Variants in JMY observed in about 807,000 individuals in gnomAD.
JMY encodes junction-mediating and -regulatory protein.
JMY carries 46 observed loss-of-function variants against 103.3 expected under a neutral mutation model. The observed-to-expected ratio is 0.45, with a 90% CI of 0.35 to 0.57. The LOEUF is 0.57. JMY is among the 20% of genes least tolerant of loss of function. The pLI is 0.00. For missense variants in JMY, 1,238 were observed against 1,255.2 expected (o/e 0.99, Z 0.21); for synonymous variants, 526 against 489.3 (o/e 1.07, Z -0.99).
intron 4 of JMY, among the ~76,000 whole-genome samples, chr5:79,292,949 G>A (rs1243875231): frequency 6.6e-6 from 1 of 152,064 alleles, no homozygotes; most frequent in Admixed American, 6.6e-5. Context: ...TAGGTATTGT[G>A]CTTTGTATCT....
chr5:79,308,078 T>C (rs752657354), intron 7 of JMY, among the ~76,000 whole-genome samples: 6 of 152,172 alleles, frequency 3.9e-5, no homozygotes, highest in Non-Finnish European at 8.8e-5. Context: ...TTTCTTATTG[T>C]TGAGTTTTAG....
At chr5:79,305,830 A>C (rs1197537567) in intron 6 of JMY, among the ~76,000 whole-genome samples, 1 of 152,190 alleles carries the variant, frequency 6.6e-6, no homozygotes, top group Non-Finnish European at 1.5e-5. Flanking sequence ...AACTTGTCAG[A>C]GGGAGCTTAA....
intron 1 of JMY, among the ~76,000 whole-genome samples, chr5:79,255,840 C>T (rs767712300): frequency 7.9e-5 from 12 of 152,244 alleles, no homozygotes; most frequent in Non-Finnish European, 1.8e-4. Flanking sequence ...GACACAAGCA[C>T]TCCTGTGGCC....
At chr5:79,278,811 T>C (rs1183654977) in intron 2 of JMY, among the ~76,000 whole-genome samples, 11 of 149,556 alleles carry the variant, frequency 7.4e-5, no homozygotes, top group South Asian at 2.1e-4. Flanking sequence ...TTTTTTTTTT[T>C]CGAGATGGGA....
chr5:79,250,493 C>A (rs746177745), intron 1 of JMY, among the ~76,000 whole-genome samples: 2 of 152,106 alleles, frequency 1.3e-5, no homozygotes, highest in Admixed American at 1.3e-4. Flanking sequence ...ACCCTGATCA[C>A]AATTGATTTG....
chr5:79,258,316 T>TG (rs199596419), intron 1 of JMY, among the ~76,000 whole-genome samples: 1,502 of 142,564 alleles, frequency 0.011, 39 homozygotes, highest in African/African-American at 0.038. Flanking sequence ...TTTTTGTTGT[T>TG]TTTTTTTTTT....
intron 4 of JMY, among the ~76,000 whole-genome samples, chr5:79,292,431 C>A (rs191468801): frequency 3.9e-5 from 6 of 152,100 alleles, no homozygotes; most frequent in Admixed American, 3.9e-4. Flanking sequence ...AGTCCTACCT[C>A]AGGCTCCTGA....
chr5:79,300,565 G>GATA, intron 5 of JMY, 111 bp from the exon 6 acceptor site: 1 of 844,972 alleles, frequency 1.2e-6, no homozygotes, highest in Non-Finnish European at 1.8e-6. Flanking sequence ...AAGCTTAAGA[G>GATA]ATAATGGCTT....
rs535434514 is a variant in JMY at position 79,285,971 on chromosome 5, G to A, written c.1207-4150G>A. Among the ~76,000 whole-genome samples, 653 of 151,468 alleles carry A rather than the reference G, an allele frequency of 4.3e-3. 6 individuals are homozygous for A. Among genetic ancestry groups the A allele is most frequent in the African/African-American group, 0.013 (551 of 41,028 alleles). The stretch of plus-strand genomic sequence containing the variant: ...CCTAGCTGACACGCGCTTTTTTTCC[G>A]TGTTAAAAACAGGCACTGTTTTCTT... On this transcript the variant is annotated intron_variant, in intron 2 of 10. Coordinates refer to ENST00000396137, the MANE Select transcript of JMY (RefSeq NM_152405.5).
At chr5:79,242,926 C>T (rs1328166600) in intron 1 of JMY, among the ~76,000 whole-genome samples, 2 of 151,918 alleles carry the variant, frequency 1.3e-5, no homozygotes, top group East Asian at 1.9e-4. Context: ...TGGGATTACA[C>T]GTGCATGCAA....
In JMY at chr5:79,325,315, C is replaced by A. The variant is rs1580382983; in HGVS notation, c.*3713C>A. On this transcript the variant is annotated 3_prime_UTR_variant, in exon 11 of 11. Transcript: ENST00000396137. ...AAAAGTACTATTGGGTCCTTAAGGG[C>A]TCTATCAGGGAGTTGAAATTTCATA... is the stretch of plus-strand genomic sequence containing the variant. 1.3e-5 allele frequency: 2 copies of A among 152,074 alleles called. No individual in the cohort carries two copies. Among genetic ancestry groups the A allele is most frequent in the Admixed American group, 1.3e-4 (2 of 15,272 alleles). The allele number at this position is 152,074 out of a possible 1,614,324, so 9.4% of individuals were successfully genotyped here. A position where few individuals can be genotyped will look rare whatever the true frequency, so the allele number is the denominator to read the frequency against.
At chr5:79,315,451 A>T (rs1180621444) in intron 9 of JMY, among the ~76,000 whole-genome samples, 1 of 152,184 alleles carries the variant, frequency 6.6e-6, no homozygotes, top group Non-Finnish European at 1.5e-5. Context: ...GCCTTTAAGG[A>T]ATTTGCATTT....
rs1747591241 is a variant in JMY, at chr5:79,325,107, A to G, written c.*3505A>G. ...TTTGGAATGGGATCAGTATACAATTAATACAATTTAATTTTACACATTCCC... is the reference window on the plus strand; with the variant it reads ...TTTGGAATGGGATCAGTATACAATTGATACAATTTAATTTTACACATTCCC... On this transcript the variant is annotated 3_prime_UTR_variant, in exon 11 of 11. Coordinates refer to ENST00000396137, the MANE Select transcript of JMY (RefSeq NM_152405.5). The G allele has an allele frequency of 6.6e-6, 1 of 152,600 alleles. No homozygotes were observed. The highest frequency in any genetic ancestry group is 1.5e-5 in the Non-Finnish European group (1 of 68,028). The allele number at this position is 152,600 out of a possible 1,614,324, so 9.5% of individuals were successfully genotyped here. A position where few individuals can be genotyped will look rare whatever the true frequency, so the allele number is the denominator to read the frequency against.
At chr5:79,248,982 C>CA (rs1744995902) in intron 1 of JMY, among the ~76,000 whole-genome samples, 1 of 152,132 alleles carries the variant, frequency 6.6e-6, no homozygotes, top group South Asian at 2.1e-4. Flanking sequence ...AGGCTGGTCT[C>CA]AAACTCCTGA....
intron 2 of JMY, among the ~76,000 whole-genome samples, chr5:79,278,585 C>CAA (rs34278536): frequency 0.045 from 2,583 of 57,274 alleles, 533 homozygotes; most frequent in Non-Finnish European, 0.057. Flanking sequence ...CCCGTCTCTA[C>CAA]AAAAAAAAAA....
chr5:79,299,250 T>G (rs1262851480), intron 4 of JMY, among the ~76,000 whole-genome samples: 1 of 152,154 alleles, frequency 6.6e-6, no homozygotes, highest in Admixed American at 6.5e-5. Flanking sequence ...TGGTGCTATG[T>G]TCTTGGAAGA....
chr5:79,247,374 T>A (rs1580327364), intron 1 of JMY, among the ~76,000 whole-genome samples: 1 of 151,966 alleles, frequency 6.6e-6, no homozygotes, highest in Admixed American at 6.6e-5. Flanking sequence ...GTGATCTCGG[T>A]TCACTGCAAC....
At chr5:79,268,479 T>TTTA (rs1745648286) in intron 1 of JMY, among the ~76,000 whole-genome samples, 6 of 149,748 alleles carry the variant, frequency 4.0e-5, no homozygotes, top group African/African-American at 1.3e-4. Flanking sequence ...TTTATTTATT[T>TTTA]TTTATTTATT....
At chr5:79,275,739 T>TTTAAC (rs1176501784) in intron 1 of JMY, among the ~76,000 whole-genome samples, 4 of 152,240 alleles carry the variant, frequency 2.6e-5, no homozygotes, top group Non-Finnish European at 1.5e-5. Context: ...TTCTCCATAT[T>TTTAAC]AGTTTTAACA....
Sources: gnomAD v4.1 joint callset for allele counts (sites outside exome capture counted in the v4.1 genomes callset) on GRCh38, gnomAD v4.1.1 for gene constraint, MANE v1.5 for transcripts, NCBI Gene and HGNC (gene_info 2026-07-23, HGNC 2026-07-21) for gene names.